Variants in LTV1 observed in about 807,000 individuals in gnomAD.
LTV1 encodes the protein LTV1 ribosome biogenesis factor.
LTV1 carries 39 observed loss-of-function variants against 59.9 expected under a neutral mutation model. The observed-to-expected ratio is 0.65, with a 90% CI of 0.50 to 0.85. The LOEUF is 0.85. LTV1 is among the 40% of genes least tolerant of loss of function. The pLI is 0.00. For synonymous variants in LTV1, 171 were observed against 189.5 expected (o/e 0.90, Z 0.80); for missense variants, 493 against 549.1 (o/e 0.90, Z 1.02).
intron 7 of LTV1, among the ~76,000 whole-genome samples, chr6:143,861,244 G>C (rs997664929): frequency 2.0e-5 from 3 of 151,640 alleles, no homozygotes; most frequent in African/African-American, 7.3e-5. Flanking sequence ...TAAAAGTTTT[G>C]TTTTGATAGA....
intron 4 of LTV1, among the ~76,000 whole-genome samples, chr6:143,856,367 G>A (rs896110242): frequency 5.3e-5 from 8 of 152,146 alleles, no homozygotes; most frequent in Non-Finnish European, 4.4e-5. Flanking sequence ...GCTTCCTTGC[G>A]TTGGGTTAGA....
chr6:143,846,660 A>G (rs974777756), intron 3 of LTV1, among the ~76,000 whole-genome samples: 4 of 152,238 alleles, frequency 2.6e-5, no homozygotes, highest in Admixed American at 2.0e-4. Context: ...GTGGATGATA[A>G]TAACATTCCT....
chr6:143,861,346 G>A (rs1777161141), intron 7 of LTV1, among the ~76,000 whole-genome samples: 1 of 151,532 alleles, frequency 6.6e-6, no homozygotes, highest in Non-Finnish European at 1.5e-5. Flanking sequence ...GCTGAGACAG[G>A]ATCACTTGAA....
chr6:143,856,969 G>A (rs1256820558), intron 4 of LTV1, among the ~76,000 whole-genome samples: 1 of 152,240 alleles, frequency 6.6e-6, no homozygotes, highest in Non-Finnish European at 1.5e-5. Context: ...ACTGTGCCGG[G>A]AGATCCGCTG....
At chr6:143,843,515 C>T (rs769178947) in intron 1 of LTV1, 35 bp downstream of exon 1, 2 of 1,613,192 alleles carry the variant, frequency 1.2e-6, no homozygotes, top group East Asian at 2.2e-5. Context: ...CGGCCGAGCG[C>T]TGTGGTTTTG....
chr6:143,851,205 A>G (rs766424147), intron 4 of LTV1, among the ~76,000 whole-genome samples: 3 of 152,206 alleles, frequency 2.0e-5, no homozygotes, highest in East Asian at 1.9e-4. Flanking sequence ...GTTGGAGGCC[A>G]TGTCAGATGA....
intron 1 of LTV1, 63 bp downstream of exon 1, chr6:143,843,543 C>T (rs1562328025): frequency 6.2e-7 from 1 of 1,606,448 alleles, no homozygotes; most frequent in Non-Finnish European, 8.5e-7. Flanking sequence ...CAGGCTGCTT[C>T]CGGTAATACC....
chr6:143,860,656 C>T (rs1777147468), intron 7 of LTV1, 103 bp downstream of exon 7: 1 of 965,370 alleles, frequency 1.0e-6, no homozygotes, highest in Non-Finnish European at 1.4e-6. Flanking sequence ...AAAAATTAAC[C>T]TAGTCAAAAT....
intron 2 of LTV1, 73 bp from the exon 3 acceptor site, chr6:143,845,978 A>G (rs1436983719): frequency 6.9e-7 from 1 of 1,439,442 alleles, no homozygotes; most frequent in African/African-American, 1.4e-5. Context: ...CCCATGCCTT[A>G]TCCTTGGAAG....
chr6:143,843,809 G>T (rs1233852522), intron 1 of LTV1, among the ~76,000 whole-genome samples: 2 of 152,190 alleles, frequency 1.3e-5, no homozygotes, highest in Non-Finnish European at 2.9e-5. Context: ...TCTTGGGGTC[G>T]AGCAGAGGGA....
intron 1 of LTV1, among the ~76,000 whole-genome samples, chr6:143,843,707 C>A (rs1238352011): frequency 6.6e-6 from 1 of 152,086 alleles, no homozygotes; most frequent in African/African-American, 2.4e-5. Flanking sequence ...GGAGAATGGC[C>A]TTTTTGTTTT....
chr6:143,861,446 A>AG (rs985728364), intron 7 of LTV1, among the ~76,000 whole-genome samples: 4 of 151,756 alleles, frequency 2.6e-5, no homozygotes, highest in African/African-American at 9.7e-5. Context: ...AAAAAAAAAA[A>AG]GAAATAAAGG....
chr6:143,861,046 A>G (rs1810524), intron 7 of LTV1, among the ~76,000 whole-genome samples: 45,611 of 151,212 alleles, frequency 0.3, 7,147 homozygotes, highest in East Asian at 0.53. Flanking sequence ...ACAGGTGCAC[A>G]CCACCATGCC....
At chr6:143,846,765 T>C (rs1043930957) in intron 3 of LTV1, among the ~76,000 whole-genome samples, 2 of 152,352 alleles carry the variant, frequency 1.3e-5, no homozygotes, top group Non-Finnish European at 2.9e-5. Context: ...TTAGTCTAAG[T>C]TCTGTTTTCT....
intron 3 of LTV1, among the ~76,000 whole-genome samples, chr6:143,849,655 G>A (rs1377644879): frequency 2.0e-5 from 3 of 152,154 alleles, no homozygotes; most frequent in Non-Finnish European, 4.4e-5. Flanking sequence ...AACACAGAAT[G>A]TAGTTGTAAT....
rs187857192 is a variant in LTV1, at chr6:143,862,478, C to A, written c.1063+235C>A. ...GCAGGCAACTGTAATCCCAGCTGCT[C>A]GAGAGGCTGAGGCAGGAGAATAGCT... is the stretch of plus-strand genomic sequence containing the variant. On this transcript the variant is annotated intron_variant, in intron 8 of 10. Transcript: ENST00000367576. The surrounding 1 kb of genome is among the most constrained non-coding windows in gnomAD (Gnocchi z 4.2). Among the ~76,000 whole-genome samples the A allele has an allele frequency of 6.6e-6, 1 of 151,808 alleles. No individual in the cohort carries two copies. The highest frequency in any genetic ancestry group is 1.5e-5 in the Non-Finnish European group (1 of 67,974).
At chr6:143,843,508 C>G (rs746759288) in intron 1 of LTV1, 28 bp downstream of exon 1, 3 of 1,613,236 alleles carry the variant, frequency 1.9e-6, no homozygotes, top group Non-Finnish European at 2.5e-6. Context: ...GTTTCGGCGG[C>G]CGAGCGCTGT....
At chr6:143,849,905 C>T (rs1054270556) in intron 3 of LTV1, among the ~76,000 whole-genome samples, 6 of 152,166 alleles carry the variant, frequency 3.9e-5, no homozygotes, top group South Asian at 2.1e-4. Flanking sequence ...AGTCTGCTGT[C>T]ATCTGCACAT....
intron 6 of LTV1, chr6:143,858,427 T>TC: frequency 5.6e-6 from 1 of 177,746 alleles, no homozygotes; most frequent in Admixed American, 5.4e-5. Flanking sequence ...GAAGTGGCCC[T>TC]TAAACCCTCA....
Sources: gnomAD v4.1 joint callset for allele counts (sites outside exome capture counted in the v4.1 genomes callset) on GRCh38, gnomAD v4.1.1 for gene constraint, Gnocchi (gnomAD v3.1) non-coding constraint, MANE v1.5 for transcripts, NCBI Gene and HGNC (gene_info 2026-07-23, HGNC 2026-07-21) for gene names.